Variants in DHX9 observed in about 807,000 individuals in gnomAD.
The protein encoded by DHX9 is DExH-box helicase 9.
DHX9 carries 27 observed loss-of-function variants against 148.7 expected under a neutral mutation model. The ratio of observed to expected loss-of-function variants is 0.18; its 90% CI spans 0.13 to 0.25. The LOEUF is 0.25. Ranked by LOEUF, DHX9 falls within the 10% of genes least tolerant of loss-of-function variation. The pLI, the probability that DHX9 is intolerant of heterozygous loss-of-function variation, is 1.00. For missense variants in DHX9, 796 were observed against 1,559.6 expected, an observed-to-expected ratio of 0.51 and a Z score of 8.25; for synonymous variants, 529 against 516.6, an observed-to-expected ratio of 1.02 and a Z score of -0.33.
chr1:182,872,887 A>G (rs1648606561), intron 15 of DHX9, among the ~76,000 whole-genome samples: 1 of 152,214 alleles, frequency 6.6e-6, no homozygotes, highest in Non-Finnish European at 1.5e-5. Flanking sequence ...CTGAGCAACT[A>G]GATTTTGAAT....
intron 3 of DHX9, among the ~76,000 whole-genome samples, chr1:182,848,215 C>T (rs937054783): frequency 3.9e-5 from 6 of 152,194 alleles, no homozygotes; most frequent in Non-Finnish European, 7.3e-5. Context: ...TATTTTTCTC[C>T]GTAACACTTA....
intron 1 of DHX9, among the ~76,000 whole-genome samples, chr1:182,842,213 G>A (rs1454204000): frequency 2.0e-5 from 3 of 152,158 alleles, no homozygotes; most frequent in Non-Finnish European, 2.9e-5. Context: ...TATATAAGGT[G>A]CCCGTTGTAG....
intron 12 of DHX9, 134 bp downstream of exon 12, chr1:182,860,318 C>T: frequency 1.3e-6 from 1 of 774,684 alleles, no homozygotes; most frequent in Middle Eastern, 2.7e-4. Context: ...AAAAAGAAAA[C>T]ATAAAAACAA....
At chr1:182,851,969 T>C (rs1668158655) in intron 3 of DHX9, among the ~76,000 whole-genome samples, 1 of 152,192 alleles carries the variant, frequency 6.6e-6, no homozygotes, top group Non-Finnish European at 1.5e-5. Context: ...TGTTACAGTT[T>C]GTGAGGAGGT....
At chr1:182,877,876 AT>A (rs1459442686) in intron 19 of DHX9, 144 bp from the exon 20 acceptor site, 2 of 916,902 alleles carry the variant, frequency 2.2e-6, no homozygotes, top group Admixed American at 5.7e-5. Context: ...CAGATTGCTG[AT>A]TCTTACTTGT....
chr1:182,879,465 G>T lies in DHX9; in HGVS notation c.2512+55G>T. 2.2e-6 allele frequency: 3 copies of T among 1,349,458 alleles called. No homozygotes were observed. In the South Asian group the frequency reaches 7.0e-5, roughly 32 times the overall value. The allele number at this position is 1,349,458 out of a possible 1,614,324, so 83.6% of individuals were successfully genotyped here. On this transcript the variant is annotated intron_variant, in intron 21 of 27. Coordinates refer to ENST00000367549, the MANE Select transcript of DHX9 (RefSeq NM_001357.5). ...AGATATTAATCATACCATCTGTCTT[G>T]TTCTGGCAGATAACACTTACAAATG...
At chr1:182,884,864 T>A (rs192078717) in intron 27 of DHX9, 51 bp downstream of exon 27, 1 of 1,576,296 alleles carries the variant, frequency 6.3e-7, no homozygotes, top group Non-Finnish European at 8.7e-7. Flanking sequence ...AGAGATCTTA[T>A]GTAGGCCTAG....
chr1:182,843,817 C>T (rs181668072), intron 3 of DHX9, among the ~76,000 whole-genome samples: 1 of 152,184 alleles, frequency 6.6e-6, no homozygotes, highest in South Asian at 2.1e-4. Context: ...GCCCCGTAAG[C>T]GATGAGGTCT....
chr1:182,863,177 T>A (rs1648065162), intron 12 of DHX9, among the ~76,000 whole-genome samples: 1 of 152,218 alleles, frequency 6.6e-6, no homozygotes, highest in East Asian at 1.9e-4. Context: ...ATTGTTTTAT[T>A]TTTAACATAT....
At chr1:182,848,588 GAGTA>G (rs1186055712) in intron 3 of DHX9, among the ~76,000 whole-genome samples, 1 of 152,064 alleles carries the variant, frequency 6.6e-6, no homozygotes, top group African/African-American at 2.4e-5. Context: ...TTGGTTGACT[GAGTA>G]AATGAATGGA....
At chr1:182,869,787 C>G (rs1035529916) in intron 14 of DHX9, among the ~76,000 whole-genome samples, 6 of 152,306 alleles carry the variant, frequency 3.9e-5, no homozygotes, top group African/African-American at 1.2e-4. Context: ...TTAGTAGAGA[C>G]AGGGTTTCAC....
At chr1:182,854,754 A>G (rs1393735994) in intron 6 of DHX9, among the ~76,000 whole-genome samples, 4 of 152,194 alleles carry the variant, frequency 2.6e-5, no homozygotes, top group African/African-American at 7.2e-5. Context: ...TGTTAAATGT[A>G]TAAAACAATA....
intron 15 of DHX9, among the ~76,000 whole-genome samples, chr1:182,874,096 A>G (rs1222666936): frequency 6.6e-6 from 1 of 152,234 alleles, no homozygotes; most frequent in Non-Finnish European, 1.5e-5. Flanking sequence ...GCCTCTTACA[A>G]AAGAATTTCA....
chr1:182,857,228 G>A (rs980589074), intron 7 of DHX9, among the ~76,000 whole-genome samples: 1 of 152,168 alleles, frequency 6.6e-6, no homozygotes, highest in African/African-American at 2.4e-5. Context: ...ATAAAGGCAG[G>A]CTAACTTCTG....
At chr1:182,868,507 CTTATT>C (rs1187387015) in intron 14 of DHX9, among the ~76,000 whole-genome samples, 1 of 132,532 alleles carries the variant, frequency 7.5e-6, no homozygotes, top group Non-Finnish European at 1.5e-5. Flanking sequence ...TAATCTAACA[CTTATT>C]TTAATTCCTT....
At chr1:182,872,200 CCTTTAT>C (rs1648578853) in intron 14 of DHX9, 131 bp from the exon 15 acceptor site, 2 of 665,810 alleles carry the variant, frequency 3.0e-6, no homozygotes, top group Admixed American at 6.2e-5. Flanking sequence ...CCATTGTGGT[CCTTTAT>C]CTTGGCACTT....
Position 182,887,481 on chromosome 1 carries a change from G to C in DHX9, c.*47G>C, listed in dbSNP as rs1649388756. ...GTGTGTAGACAGTAAGGAAAAAAAGGCATGCTATGTGTTACGTGTTTTTTC... is the reference window on the plus strand; with the variant it reads ...GTGTGTAGACAGTAAGGAAAAAAAGCCATGCTATGTGTTACGTGTTTTTTC... On this transcript the variant is annotated 3_prime_UTR_variant, in exon 28 of 28. Transcript: ENST00000367549. 1 of 1,517,022 alleles carries C rather than the reference G, an allele frequency of 6.6e-7. No homozygotes were observed. Among genetic ancestry groups the C allele is most frequent in the Non-Finnish European group, 9.0e-7 (1 of 1,112,358 alleles). 94.0% of individuals were successfully genotyped at this position (1,517,022 alleles called of 1,614,324 possible). A position where few individuals can be genotyped will look rare whatever the true frequency, so the allele number is the denominator to read the frequency against.
chr1:182,856,496 T>G (rs1336744636), intron 6 of DHX9, 36 bp from the exon 7 acceptor site: 2 of 1,603,618 alleles, frequency 1.2e-6, no homozygotes, highest in Admixed American at 1.7e-5. Context: ...TTTCTAACAG[T>G]GAAATTTCTA....
chr1:182,859,890 C>A, intron 11 of DHX9, 103 bp from the exon 12 acceptor site: 1 of 1,140,054 alleles, frequency 8.8e-7, no homozygotes, highest in Non-Finnish European at 1.2e-6. Context: ...AGGCGTGAGC[C>A]ACCGCGCCCA....
Sources: gnomAD v4.1 joint callset for allele counts (sites outside exome capture counted in the v4.1 genomes callset) on GRCh38, gnomAD v4.1.1 for gene constraint, MANE v1.5 for transcripts, NCBI Gene and HGNC (gene_info 2026-07-23, HGNC 2026-07-21) for gene names.